Variants in AATF observed in about 807,000 individuals in gnomAD.
The protein encoded by AATF is protein AATF.
Under a neutral mutation model 63.7 loss-of-function variants are expected in AATF, and 48 were observed. The ratio of observed to expected loss-of-function variants is 0.75; its 90% CI spans 0.60 to 0.96. The LOEUF (loss-of-function observed/expected upper bound fraction) is 0.96. Ranked by LOEUF, AATF falls within the 40% of genes least tolerant of loss-of-function variation. The pLI is 0.00. For synonymous variants in AATF, 258 were observed against 247.7 expected (o/e 1.04, Z -0.39); for missense variants, 639 against 685.7 (o/e 0.93, Z 0.76).
At chr17:37,021,963 G>T (rs1468489261) in intron 10 of AATF, among the ~76,000 whole-genome samples, 1 of 152,126 alleles carries the variant, frequency 6.6e-6, no homozygotes, top group Non-Finnish European at 1.5e-5. Flanking sequence ...AATGAGAAGA[G>T]AAATAAAATG....
At chr17:37,007,018 A>G (rs1020449951) in intron 8 of AATF, among the ~76,000 whole-genome samples, 2 of 152,190 alleles carry the variant, frequency 1.3e-5, no homozygotes, top group African/African-American at 2.4e-5. Flanking sequence ...AAGGTGGACT[A>G]TTTGTAACTT....
At chr17:37,027,779 G>A (rs1242038332) in intron 10 of AATF, among the ~76,000 whole-genome samples, 1 of 151,970 alleles carries the variant, frequency 6.6e-6, no homozygotes, top group East Asian at 1.9e-4. Flanking sequence ...ATTCAGACTA[G>A]CCCCATTTCA....
chr17:37,042,364 A>G (rs1186257167), intron 11 of AATF, among the ~76,000 whole-genome samples: 2 of 150,992 alleles, frequency 1.3e-5, no homozygotes, highest in African/African-American at 4.9e-5. Flanking sequence ...AATGATCTTC[A>G]CTTTTTATTT....
chr17:36,970,733 G>A (rs573674229), intron 4 of AATF, among the ~76,000 whole-genome samples: 1 of 151,706 alleles, frequency 6.6e-6, no homozygotes, highest in African/African-American at 2.4e-5. Flanking sequence ...TTAGAGATGA[G>A]GTCTTGTTAC....
rs768847772 is a variant in AATF, at chr17:36,953,292, G to A, written c.690G>A (p.Gln230=). ...AGAAAGGAAGAGCCGTGAAGAACCA[G>A]ATAGGTTTGTACATGGTTTTGCTGA... The part of the protein sequence containing the change: ...EVEKGRAVKN[Q]IALWDQLLEG... The change falls in exon 3 of 12, where the codon CAG becomes CAA. Residue 230 remains glutamine, a synonymous_variant. Coordinates refer to ENST00000619387, the MANE Select transcript of AATF (RefSeq NM_012138.4). 31 of 1,612,504 alleles carry A rather than the reference G, an allele frequency of 1.9e-5. No individual in the cohort carries two copies. Among genetic ancestry groups the A allele is most frequent in the Non-Finnish European group, 2.5e-5 (30 of 1,178,832 alleles).
intron 4 of AATF, among the ~76,000 whole-genome samples, chr17:36,973,233 G>A (rs1299003828): frequency 6.6e-6 from 1 of 152,098 alleles, no homozygotes; most frequent in South Asian, 2.1e-4. Context: ...AAAAGAGGGG[G>A]CTATGGTGAA....
intron 8 of AATF, chr17:36,998,752 C>T (rs2071273110): frequency 6.6e-6 from 1 of 152,062 alleles, no homozygotes; most frequent in African/African-American, 2.4e-5. Flanking sequence ...TTTATTATGC[C>T]AGATGCTAGT....
At chr17:36,960,787 AC>A (rs1184329415) in intron 4 of AATF, among the ~76,000 whole-genome samples, 3 of 152,128 alleles carry the variant, frequency 2.0e-5, no homozygotes, top group African/African-American at 7.2e-5. Context: ...AGGCTTAAGG[AC>A]CCTTATTGCT....
intron 4 of AATF, among the ~76,000 whole-genome samples, chr17:36,974,757 CTTA>C (rs2071067166): frequency 6.6e-6 from 1 of 152,088 alleles, no homozygotes; most frequent in Non-Finnish European, 1.5e-5. Flanking sequence ...TTTTTGCTCC[CTTA>C]CATTTATTGG....
At chr17:36,967,384 T>C (rs1019717671) in intron 4 of AATF, among the ~76,000 whole-genome samples, 4 of 152,220 alleles carry the variant, frequency 2.6e-5, no homozygotes, top group Non-Finnish European at 5.9e-5. Flanking sequence ...GATTGTTACA[T>C]TTTTGTTTGA....
intron 6 of AATF, 37 bp from the exon 7 acceptor site, chr17:36,989,210 T>A: frequency 1.3e-6 from 2 of 1,579,430 alleles, no homozygotes; most frequent in South Asian, 1.2e-5. Flanking sequence ...CAGCACTGAT[T>A]TTCTGCATTA....
chr17:36,988,485 T>C (rs896479170), intron 5 of AATF, 34 bp from the exon 6 acceptor site: 8 of 1,602,430 alleles, frequency 5.0e-6, no homozygotes, highest in African/African-American at 1.3e-5. Context: ...AATGTTTGTT[T>C]ACACTGGACA....
intron 10 of AATF, among the ~76,000 whole-genome samples, chr17:37,025,681 A>G (rs958348658): frequency 6.6e-6 from 1 of 152,214 alleles, no homozygotes; most frequent in African/African-American, 2.4e-5. Flanking sequence ...AAAACTTTCC[A>G]TACTTGAAAG....
chr17:36,997,798 A>T (rs886178382), intron 8 of AATF, among the ~76,000 whole-genome samples: 1 of 152,260 alleles, frequency 6.6e-6, no homozygotes, highest in Non-Finnish European at 1.5e-5. Flanking sequence ...AGAACAATTC[A>T]CAATTGCAAA....
chr17:36,986,590 G>A, intron 4 of AATF, 27 bp from the exon 5 acceptor site: 2 of 1,570,324 alleles, frequency 1.3e-6, no homozygotes, highest in South Asian at 2.2e-5. Context: ...ATAATTAATT[G>A]TCCTTTCTCT....
intron 4 of AATF, among the ~76,000 whole-genome samples, chr17:36,983,395 T>A (rs1022768867): frequency 6.6e-6 from 1 of 152,048 alleles, no homozygotes; most frequent in Non-Finnish European, 1.5e-5. Context: ...TCGCCCAGAC[T>A]GGAGTGCAGT....
chr17:36,982,154 T>C (rs1028603626), intron 4 of AATF, among the ~76,000 whole-genome samples: 3 of 152,106 alleles, frequency 2.0e-5, no homozygotes, highest in South Asian at 2.1e-4. Context: ...GGTTTATCCA[T>C]GTTGCAGCAT....
chr17:37,005,362 G>A (rs570278576), intron 8 of AATF, among the ~76,000 whole-genome samples: 19 of 152,156 alleles, frequency 1.2e-4, no homozygotes, highest in Non-Finnish European at 2.5e-4. Flanking sequence ...AAGCACAGGA[G>A]GAGAGGAAGA....
intron 8 of AATF, among the ~76,000 whole-genome samples, chr17:36,999,565 G>A (rs2071278852): frequency 6.6e-6 from 1 of 152,138 alleles, no homozygotes; most frequent in African/African-American, 2.4e-5. Flanking sequence ...GTTAGAGGCT[G>A]GAAGAAAACA....
Sources: gnomAD v4.1 joint callset for allele counts (sites outside exome capture counted in the v4.1 genomes callset) on GRCh38, gnomAD v4.1.1 for gene constraint, MANE v1.5 for transcripts, NCBI Gene and HGNC (gene_info 2026-07-23, HGNC 2026-07-21) for gene names.